The following MYLK4 variants were observed in gnomAD, a reference collection of about 807,000 sequenced individuals.
MYLK4 encodes caMLCK like.
Under a neutral mutation model 48.1 loss-of-function variants are expected in MYLK4, and 46 were observed. The observed-to-expected ratio is 0.96, with a 90% CI of 0.75 to 1.22. MYLK4 has a LOEUF of 1.22. MYLK4 is among the 50% of genes most tolerant of loss of function. MYLK4 has a pLI of 0.00. For synonymous variants in MYLK4, 170 were observed against 180.8 expected, an observed-to-expected ratio of 0.94 and a Z score of 0.48; for missense variants, 451 against 486.1, an observed-to-expected ratio of 0.93 and a Z score of 0.68.
chr6:2,757,971 A>G, the MYLK4 span, among the ~76,000 whole-genome samples: 1 of 152,250 alleles, frequency 6.6e-6, no homozygotes, highest in Non-Finnish European at 1.5e-5. Flanking sequence ...AGAGCTGCTC[A>G]GTCTTCCCGA....
At chr6:2,715,056 G>C (rs1262968301) in intron 2 of MYLK4, among the ~76,000 whole-genome samples, 1 of 152,062 alleles carries the variant, frequency 6.6e-6, no homozygotes, top group East Asian at 1.9e-4. Flanking sequence ...CCCGAGGTCA[G>C]GAGTTCTAGA....
intron 2 of MYLK4, among the ~76,000 whole-genome samples, chr6:2,713,602 T>G (rs1194790554): frequency 6.6e-6 from 1 of 152,082 alleles, no homozygotes; most frequent in Non-Finnish European, 1.5e-5. Context: ...GGAACAACGC[T>G]CTCCCTTTAC....
intron 2 of MYLK4, among the ~76,000 whole-genome samples, chr6:2,723,255 C>T (rs189726392): frequency 3.5e-3 from 534 of 152,232 alleles, no homozygotes; most frequent in African/African-American, 0.012. Flanking sequence ...ATCACGTCAC[C>T]GCACTCCAGC....
At chr6:2,752,896 G>A (rs1033026907), upstream of MYLK4, among the ~76,000 whole-genome samples, 26 of 152,084 alleles carry the variant, frequency 1.7e-4, no homozygotes, top group African/African-American at 5.3e-4. Flanking sequence ...CCCAGCTTCC[G>A]ATGGCATACA....
intron 2 of MYLK4, among the ~76,000 whole-genome samples, chr6:2,695,336 T>A (rs952421364): frequency 2.6e-5 from 4 of 152,218 alleles, no homozygotes; most frequent in Admixed American, 6.5e-5. Flanking sequence ...CAATTTCTAC[T>A]CATAAAAGTA....
At chr6:2,748,370 T>G (rs1267967109) in intron 2 of MYLK4, among the ~76,000 whole-genome samples, 1 of 152,182 alleles carries the variant, frequency 6.6e-6, no homozygotes, top group Non-Finnish European at 1.5e-5. Context: ...CCACCACATG[T>G]GCTGGAATGA....
Position 2,667,830 on chromosome 6 carries a change from G to A in MYLK4, c.*95C>T. 6.5e-6 allele frequency: 1 copy of A among 152,688 alleles called. No individual in the cohort carries two copies. Among genetic ancestry groups the A allele is most frequent in the Non-Finnish European group, 1.5e-5 (1 of 68,032 alleles). The allele number at this position is 152,688 out of a possible 1,614,324, so 9.5% of individuals were successfully genotyped here. A position where few individuals can be genotyped will look rare whatever the true frequency, so the allele number is the denominator to read the frequency against. On this transcript the variant is annotated 3_prime_UTR_variant, in exon 13 of 13. Transcript: ENST00000274643. Reference sequence around the variant, plus strand: ...TGCTAAGACTACCAGGTCATCACAGGGGTCAAGGCATCAGAACTGCTGATT... The same window carrying A: ...TGCTAAGACTACCAGGTCATCACAGAGGTCAAGGCATCAGAACTGCTGATT...
chr6:2,724,904 A>G (rs1763201383), intron 2 of MYLK4, among the ~76,000 whole-genome samples: 2 of 152,236 alleles, frequency 1.3e-5, no homozygotes, highest in Non-Finnish European at 2.9e-5. Context: ...TAGGCTGGGC[A>G]TTTTGGGAGG....
At chr6:2,690,071 G>A (rs1186952787) in intron 3 of MYLK4, among the ~76,000 whole-genome samples, 1 of 152,176 alleles carries the variant, frequency 6.6e-6, no homozygotes, top group Non-Finnish European at 1.5e-5. Context: ...TAGACTAAAT[G>A]AAATTTAGTC....
chr6:2,768,517 G>T, the MYLK4 span, among the ~76,000 whole-genome samples: 14 of 152,182 alleles, frequency 9.2e-5, no homozygotes, highest in Non-Finnish European at 1.6e-4. Context: ...TATTTTTGTT[G>T]TTGTTGTTTT....
rs573091688 is a variant in MYLK4, at chr6:2,734,240, G to A, written c.159+14896C>T. On this transcript the variant is annotated intron_variant, in intron 2 of 12. Coordinates refer to ENST00000274643, the MANE Select transcript of MYLK4 (RefSeq NM_001012418.5). ...TTGTTCCCCTACCCAGCACATATGC[G>A]GCTTTCGCTAAACCATCTGCTGCTT... is the stretch of plus-strand genomic sequence containing the variant. Among the ~76,000 whole-genome samples the A allele has an allele frequency of 1.2e-4, 19 of 152,284 alleles. No homozygotes were observed. In the South Asian group the frequency reaches 3.3e-3, roughly 27 times the overall value.
chr6:2,744,649 A>G (rs1764013110), intron 2 of MYLK4, among the ~76,000 whole-genome samples: 1 of 152,158 alleles, frequency 6.6e-6, no homozygotes, highest in African/African-American at 2.4e-5. Context: ...CCCTCTGCAC[A>G]TCCTGTTAAT....
At chr6:2,737,887 T>C (rs1202344300) in intron 2 of MYLK4, among the ~76,000 whole-genome samples, 1 of 136,874 alleles carries the variant, frequency 7.3e-6, no homozygotes, top group Non-Finnish European at 1.6e-5. Flanking sequence ...GTGTATTGTT[T>C]TGTTCATGTA....
the MYLK4 span, chr6:2,770,086 G>C: frequency 1.2e-6 from 2 of 1,611,944 alleles, no homozygotes; most frequent in South Asian, 1.1e-5. Flanking sequence ...CTGTTGACTG[G>C]AATCACTTTT....
intron 2 of MYLK4, among the ~76,000 whole-genome samples, chr6:2,711,290 T>TA (rs1762665336): frequency 6.6e-6 from 1 of 152,230 alleles, no homozygotes; most frequent in Non-Finnish European, 1.5e-5. Flanking sequence ...CTAATCATGG[T>TA]ATTACCATCA....
intron 2 of MYLK4, among the ~76,000 whole-genome samples, chr6:2,705,844 T>C (rs1057253158): frequency 2.6e-5 from 4 of 151,232 alleles, no homozygotes; most frequent in African/African-American, 9.7e-5. Context: ...CAAAAGAACA[T>C]AGTATTTTAG....
upstream of MYLK4, among the ~76,000 whole-genome samples, chr6:2,754,388 C>A (rs989287285): frequency 1.3e-5 from 2 of 151,312 alleles, no homozygotes. Context: ...TATGGATGAG[C>A]GAAAACACTG....
At chr6:2,761,389 A>C in the MYLK4 span, among the ~76,000 whole-genome samples, 1 of 152,220 alleles carries the variant, frequency 6.6e-6, no homozygotes, top group Non-Finnish European at 1.5e-5. Context: ...ATCTGAAAAG[A>C]AAGTTTAAAT....
intron 9 of MYLK4, 59 bp from the exon 10 acceptor site, chr6:2,678,431 C>T: frequency 6.4e-7 from 1 of 1,561,914 alleles, no homozygotes; most frequent in South Asian, 1.2e-5. Context: ...CCTTTCCATA[C>T]AGATTGCTTT....
Sources: gnomAD v4.1 joint callset for allele counts (sites outside exome capture counted in the v4.1 genomes callset) on GRCh38, gnomAD v4.1.1 for gene constraint, MANE v1.5 for transcripts, NCBI Gene and HGNC (gene_info 2026-07-23, HGNC 2026-07-21) for gene names.